GSDMA: variants seen among roughly 807,000 people sequenced by gnomAD.
The protein encoded by GSDMA is gasdermin A, also known as gasdermin-A.
Under a neutral mutation model 54.3 loss-of-function variants are expected in GSDMA, and 55 were observed. That is an observed-to-expected ratio of 1.01 (90% confidence interval 0.82 to 1.27). GSDMA has a LOEUF of 1.27. Among genes scored for constraint, GSDMA ranks in the 50% most tolerant of loss-of-function variants. GSDMA has a pLI of 0.00. For synonymous variants in GSDMA, 211 were observed against 224.7 expected (o/e 0.94, Z 0.54); for missense variants, 542 against 542.6 (o/e 1.00, Z 0.01).
intron 3 of GSDMA, among the ~76,000 whole-genome samples, chr17:39,969,918 T>C (rs1979852130): frequency 6.6e-6 from 1 of 151,560 alleles, no homozygotes. Context: ...AATAGGGTAG[T>C]AATTTGAGGG....
chr17:39,972,787 G>T (rs1318466462), intron 7 of GSDMA, among the ~76,000 whole-genome samples, 174 bp downstream of exon 7: 1 of 5,044 alleles, frequency 2.0e-4, no homozygotes, highest in Non-Finnish European at 4.8e-4. Flanking sequence ...CAGTGGAAAG[G>T]GGGGAGTCTT....
At chr17:39,976,687 TG>T in intron 11 of GSDMA, 128 bp from the exon 12 acceptor site, 1 of 1,222,760 alleles carries the variant, frequency 8.2e-7, no homozygotes, top group Non-Finnish European at 1.2e-6. Context: ...AAGACCCAGA[TG>T]GGGTTGTAAT....
In GSDMA at chr17:39,966,256, G is replaced by A. The variant is rs1353333592; in HGVS notation, c.215-4G>A. 6.2e-7 allele frequency: 1 copy of A among 1,613,826 alleles called. No homozygotes were observed. Among genetic ancestry groups the A allele is most frequent in the South Asian group, 1.1e-5 (1 of 91,074 alleles). Reference sequence around the variant, plus strand: ...CAGCCCCTTTTGTCTTTTCCCTCCTGCAGACCCAACAGACACTGGGAATTT... The same window carrying A: ...CAGCCCCTTTTGTCTTTTCCCTCCTACAGACCCAACAGACACTGGGAATTT... On this transcript the variant is annotated splice_region_variant and splice_polypyrimidine_tract_variant and intron_variant, in intron 2 of 11. Transcript: ENST00000301659.
At chr17:39,976,071 A>T in intron 11 of GSDMA, 74 bp downstream of exon 11, 1 of 1,072,960 alleles carries the variant, frequency 9.3e-7, no homozygotes, top group Non-Finnish European at 1.4e-6. Context: ...ATTTCGCCTA[A>T]GGATGGAGCC....
intron 10 of GSDMA, 34 bp downstream of exon 10, chr17:39,975,048 T>C: frequency 8.6e-7 from 1 of 1,156,500 alleles, no homozygotes; most frequent in Non-Finnish European, 1.3e-6. Context: ...TTTATAGACC[T>C]TTTCAGTAAT....
intron 2 of GSDMA, 118 bp from the exon 3 acceptor site, chr17:39,966,142 G>C (rs550508968): frequency 9.0e-7 from 1 of 1,106,746 alleles, no homozygotes; most frequent in Non-Finnish European, 1.3e-6. Flanking sequence ...GCCCAGGCTG[G>C]TTTCAAACTC....
rs369154670 is a variant in GSDMA, at chr17:39,976,920, G to C, written c.1200G>C (p.Thr400=). The change falls in exon 12 of 12, where the codon ACG becomes ACC. Residue 400 remains threonine (T), a synonymous_variant. Transcript: ENST00000301659. ...SSLGDEELTL[T]EALVGLSGLE... The stretch of plus-strand genomic sequence containing the variant: ...TTGGGGACGAGGAGCTGACCCTCAC[G>C]GAGGCTCTAGTCGGGCTGAGTGGCC... 4.3e-6 allele frequency: 7 copies of C among 1,613,848 alleles called. No individual in the cohort carries two copies. In the Middle Eastern group the frequency reaches 6.6e-4, roughly 152 times the overall value.
rs775605539 is a variant in GSDMA at position 39,974,903 on chromosome 17, G to T, written c.910G>T (p.Glu304Ter). 2 of 1,595,662 alleles carry T rather than the reference G, an allele frequency of 1.3e-6. No individual in the cohort carries two copies. Among genetic ancestry groups the T allele is most frequent in the African/African-American group, 1.3e-5 (1 of 74,668 alleles). Reference protein sequence around the residue: ...KELQDLELALEGALDKGHEVT... With the variant: ...KELQDLELAL Reference sequence around the variant, plus strand: ...AGTCGCCCACCTTCCCCCACAGCTTGAAGGGGCTCTAGACAAGGGACATGA... The same window carrying T: ...AGTCGCCCACCTTCCCCCACAGCTTTAAGGGGCTCTAGACAAGGGACATGA... The change falls in exon 10 of 12, where the codon GAA becomes TAA. Residue 304 changes from glutamate to a stop codon, truncating the protein, a stop_gained. Transcript: ENST00000301659. LOFTEE classifies it high-confidence loss of function.
intron 3 of GSDMA, among the ~76,000 whole-genome samples, chr17:39,967,370 C>T (rs1979716890): frequency 6.6e-6 from 1 of 152,106 alleles, no homozygotes; most frequent in Non-Finnish European, 1.5e-5. Flanking sequence ...AGAAATTGGG[C>T]ATGCAGGGCT....
Position 39,977,133 on chromosome 17 carries a change from G to C in GSDMA, c.*75G>C. ...TGGTGCTGTGTCCTTACCACCTAAG[G>C]GCATTTCAGAGCCATCAGCTGAAGA... On this transcript the variant is annotated 3_prime_UTR_variant, in exon 12 of 12. Transcript: ENST00000301659. 1 of 1,534,638 alleles carries C rather than the reference G, an allele frequency of 6.5e-7. No homozygotes were observed. The highest frequency in any genetic ancestry group is 8.9e-7 in the Non-Finnish European group (1 of 1,125,232).
chr17:39,974,918 A>T lies in GSDMA; in HGVS notation c.925A>T (p.Lys309Ter). The T allele has an allele frequency of 6.2e-7, 1 of 1,608,488 alleles. No individual in the cohort carries two copies. The highest frequency in any genetic ancestry group is 8.5e-7 in the Non-Finnish European group (1 of 1,176,442). Residue 309 changes from lysine (K) to a stop codon, truncating the protein, a stop_gained, in exon 10 of 12, where the codon AAG (lysine) becomes TAG (stop). Transcript: ENST00000301659. LOFTEE classifies it high-confidence loss of function. The part of the protein sequence containing the change: ...LELALEGALD[K>*]GHEVTLEALP... ...CCCACAGCTTGAAGGGGCTCTAGAC[A>T]AGGGACATGAAGTGACCCTGGAGGC... is the stretch of plus-strand genomic sequence containing the variant.
chr17:39,975,175 G>A (rs1258354332), intron 10 of GSDMA, among the ~76,000 whole-genome samples, 161 bp downstream of exon 10: 1 of 152,184 alleles, frequency 6.6e-6, no homozygotes, highest in African/African-American at 2.4e-5. Context: ...ATGGCTGGCT[G>A]CAGTGGCTCA....
In GSDMA at chr17:39,977,191, C is replaced by T; in HGVS notation, c.*133C>T. 9.7e-7 allele frequency: 1 copy of T among 1,035,910 alleles called. No homozygotes were observed. Among genetic ancestry groups the T allele is most frequent in the Non-Finnish European group, 1.4e-6 (1 of 702,814 alleles). 64.2% of individuals were successfully genotyped at this position (1,035,910 alleles called of 1,614,324 possible). ...AATCTCAGCTGGTCACCCATGATAA[C>T]CAACTTCCACCTGCCCAACCATATA... On this transcript the variant is annotated 3_prime_UTR_variant, in exon 12 of 12. Transcript: ENST00000301659.
rs773320595 is a variant in GSDMA at position 39,970,484 on chromosome 17, A to C, written c.395A>C (p.Lys132Thr). ...PKALETVQER[K>T]LAADHPFLKE... Reference sequence around the variant, plus strand: ...CCCTTATGTTTCTCCTGCAACAGGAAGCTGGCAGCAGACCACCCATTCCTG... The same window carrying C: ...CCCTTATGTTTCTCCTGCAACAGGACGCTGGCAGCAGACCACCCATTCCTG... Residue 132 changes from lysine (K) to threonine (T), a missense_variant and splice_region_variant, in exon 4 of 12, where the codon AAG (lysine) becomes ACG (threonine). Transcript: ENST00000301659. The C allele has an allele frequency of 1.9e-6, 3 of 1,573,732 alleles. No homozygotes were observed. In the Admixed American group the frequency reaches 5.5e-5, roughly 29 times the overall value.
At chr17:39,965,120 G>A (rs939542947) in intron 1 of GSDMA, among the ~76,000 whole-genome samples, 3 of 151,178 alleles carry the variant, frequency 2.0e-5, no homozygotes, top group African/African-American at 4.9e-5. Flanking sequence ...ACCCTGTCTC[G>A]GAAGAAAAGA....
chr17:39,973,616 C>T (rs1450725698), intron 7 of GSDMA, among the ~76,000 whole-genome samples, 194 bp from the exon 8 acceptor site: 3 of 151,830 alleles, frequency 2.0e-5, no homozygotes, highest in Non-Finnish European at 4.4e-5. Context: ...GCTACACACA[C>T]ATCTGCAACT....
intron 7 of GSDMA, among the ~76,000 whole-genome samples, chr17:39,973,350 A>C (rs1980046968): frequency 6.6e-6 from 1 of 151,184 alleles, no homozygotes; most frequent in African/African-American, 2.4e-5. Context: ...ACTCACTGCA[A>C]ACTCTGCCTC....
At chr17:39,963,345 GA>G (rs34763545) in intron 1 of GSDMA, among the ~76,000 whole-genome samples, 1 of 145,754 alleles carries the variant, frequency 6.9e-6, no homozygotes, top group Non-Finnish European at 1.5e-5. Context: ...GAATGAGGGT[GA>G]AAAAAAAAAA....
chr17:39,963,345 G>GAA (rs34763545), intron 1 of GSDMA, among the ~76,000 whole-genome samples: 74,412 of 145,592 alleles, frequency 0.51, 19,085 homozygotes, highest in East Asian at 0.55. Context: ...GAATGAGGGT[G>GAA]AAAAAAAAAA....
Sources: gnomAD v4.1 joint callset for allele counts (sites outside exome capture counted in the v4.1 genomes callset) on GRCh38, gnomAD v4.1.1 for gene constraint, MANE v1.5 for transcripts, NCBI Gene and HGNC (gene_info 2026-07-23, HGNC 2026-07-21) for gene names.